The following SORCS1 variants were observed in gnomAD, a reference collection of about 807,000 sequenced individuals.
SORCS1 encodes VPS10 domain-containing receptor SorCS1.
In SORCS1, 60 loss-of-function variants were observed where a neutral mutation model predicts 146.1. The ratio of observed to expected loss-of-function variants is 0.41; its 90% CI spans 0.33 to 0.51. The LOEUF (loss-of-function observed/expected upper bound fraction) is 0.51, where lower values mean the gene tolerates loss of function less well. Ranked by LOEUF, SORCS1 falls within the 20% of genes least tolerant of loss-of-function variation. The probability of loss-of-function intolerance (pLI) is 0.21; values close to 1 mark genes in which losing one functional copy is unlikely to be tolerated. For missense variants in SORCS1, 1,352 were observed against 1,487.6 expected, an observed-to-expected ratio of 0.91 and a Z score of 1.50; for synonymous variants, 637 against 584.0, an observed-to-expected ratio of 1.09 and a Z score of -1.31.
chr10:106,843,875 G>C (rs1949181347), intron 2 of SORCS1, among the ~76,000 whole-genome samples: 1 of 152,196 alleles, frequency 6.6e-6, no homozygotes, highest in Non-Finnish European at 1.5e-5. Flanking sequence ...AGAAGCACCA[G>C]CTATCTCAAG....
chr10:106,710,939 A>G (rs1854936226), intron 6 of SORCS1, among the ~76,000 whole-genome samples: 1 of 152,218 alleles, frequency 6.6e-6, no homozygotes, highest in Non-Finnish European at 1.5e-5. Context: ...CAGCTAGCTC[A>G]CTGTTACATC....
intron 1 of SORCS1, among the ~76,000 whole-genome samples, chr10:107,059,890 A>C (rs78618858): frequency 2.7e-5 from 4 of 147,770 alleles, no homozygotes; most frequent in African/African-American, 9.8e-5. Flanking sequence ...AAAAAAAAAA[A>C]CCCTCAGTAA....
intron 1 of SORCS1, among the ~76,000 whole-genome samples, chr10:107,058,555 T>C (rs1451555801): frequency 1.3e-5 from 2 of 152,174 alleles, no homozygotes; most frequent in East Asian, 3.8e-4. Context: ...TCTCAGGAAG[T>C]AGGAATTCCC....
At chr10:106,790,124 A>G (rs1390005563) in intron 3 of SORCS1, among the ~76,000 whole-genome samples, 1 of 152,120 alleles carries the variant, frequency 6.6e-6, no homozygotes, top group African/African-American at 2.4e-5. Flanking sequence ...ACAAAGCCTA[A>G]CCACATCATG....
At chr10:106,949,822 T>C (rs77284784) in intron 2 of SORCS1, among the ~76,000 whole-genome samples, 14 of 152,320 alleles carry the variant, frequency 9.2e-5, no homozygotes, top group African/African-American at 3.1e-4. Flanking sequence ...ACCTCTAAGA[T>C]AGACAGACAC....
intron 1 of SORCS1, among the ~76,000 whole-genome samples, chr10:107,065,866 C>T (rs770458205): frequency 6.6e-5 from 10 of 152,066 alleles, no homozygotes; most frequent in Non-Finnish European, 2.9e-5. Context: ...GCCAGAAATG[C>T]TAAGGATGAG....
rs765658985 is a variant in SORCS1 at position 106,788,483 on chromosome 10, G to A, written c.727-11791C>T. On this transcript the variant is annotated intron_variant, in intron 3 of 25. Coordinates refer to ENST00000263054, the MANE Select transcript of SORCS1 (RefSeq NM_052918.5). ...AGTTAGTTACTTCCAAAATACAATGGAGGTACAGGTATTGGGTAAATGCTC... is the reference window on the plus strand; with the variant it reads ...AGTTAGTTACTTCCAAAATACAATGAAGGTACAGGTATTGGGTAAATGCTC... Among the ~76,000 whole-genome samples, 6 of 152,276 alleles carry A rather than the reference G, an allele frequency of 3.9e-5. No homozygotes were observed. The South Asian group carries it at 1.2e-3, about 32-fold the overall frequency.
At chr10:106,964,989 T>C (rs1330738446) in intron 1 of SORCS1, among the ~76,000 whole-genome samples, 1 of 150,720 alleles carries the variant, frequency 6.6e-6, no homozygotes, top group Non-Finnish European at 1.5e-5. Flanking sequence ...AGAATGCTAA[T>C]AGTGACTCAA....
chr10:106,975,939 G>C (rs1955976193), intron 1 of SORCS1, among the ~76,000 whole-genome samples: 1 of 152,090 alleles, frequency 6.6e-6, no homozygotes. Context: ...CCTGAGGTCA[G>C]GAGTTCAAGA....
rs1849933617 is a variant in SORCS1 at position 106,652,398 on chromosome 10, A to G, written c.2459T>C (p.Met820Thr). Residue 820 changes from methionine (M) to threonine (T), a missense_variant, in exon 18 of 26, where the codon ATG (methionine) becomes ACG (threonine). Around this residue, in one of 3 missense-constraint regions of SORCS1, gnomAD observed 648 missense variants for 793.8 expected, o/e 0.82. Transcript: ENST00000263054. ...CAGTCCTACCTCTTCTAATTGCACC[A>G]TGAGAGTGACGTTGTGTCCTTGTTC... ...TAEQGHNVTL[M>T]VQLEEGDVQR... 1.9e-6 allele frequency: 3 copies of G among 1,614,112 alleles called. No individual in the cohort carries two copies. Among genetic ancestry groups the G allele is most frequent in the East Asian group, 2.2e-5 (1 of 44,876 alleles).
intron 1 of SORCS1, among the ~76,000 whole-genome samples, chr10:107,130,536 T>A (rs1013937607): frequency 3.9e-5 from 6 of 152,152 alleles, no homozygotes; most frequent in Non-Finnish European, 5.9e-5. Context: ...TAAAAGGAGT[T>A]CAACATCGTA....
chr10:106,942,063 C>T (rs1399572463), intron 2 of SORCS1, among the ~76,000 whole-genome samples: 2 of 152,152 alleles, frequency 1.3e-5, no homozygotes, highest in South Asian at 2.1e-4. Flanking sequence ...AGTGCCTTCT[C>T]CTAGAGAGCT....
intron 6 of SORCS1, among the ~76,000 whole-genome samples, chr10:106,722,134 C>CACACACAG (rs1554909650): frequency 6.6e-6 from 1 of 151,406 alleles, no homozygotes; most frequent in Non-Finnish European, 1.5e-5. Context: ...CACACACACA[C>CACACACAG]ACACACACAC....
rs563575723 is a variant in SORCS1, at chr10:106,824,475, A to G, written c.726+5099T>C. On this transcript the variant is annotated intron_variant, in intron 3 of 25. Coordinates refer to ENST00000263054, the MANE Select transcript of SORCS1 (RefSeq NM_052918.5). Reference sequence around the variant, plus strand: ...TGTGGTAGTAGACGCCTGTAATCCCAGCTGCTCGGGAGGCTGAGGCAGAGA... The same window carrying G: ...TGTGGTAGTAGACGCCTGTAATCCCGGCTGCTCGGGAGGCTGAGGCAGAGA... Among the ~76,000 whole-genome samples, 48 of 151,782 alleles carry G rather than the reference A, an allele frequency of 3.2e-4. 1 individual carries two copies. In the South Asian group the frequency reaches 9.8e-3, roughly 31 times the overall value.
intron 4 of SORCS1, among the ~76,000 whole-genome samples, chr10:106,774,567 A>T (rs1400905233): frequency 6.6e-6 from 1 of 152,096 alleles, no homozygotes; most frequent in African/African-American, 2.4e-5. Context: ...TGTTGTAAAA[A>T]ATTGGCCTCC....
At chr10:107,154,347 T>G (rs569808219) in intron 1 of SORCS1, among the ~76,000 whole-genome samples, 1 of 152,192 alleles carries the variant, frequency 6.6e-6, no homozygotes, top group African/African-American at 2.4e-5. Flanking sequence ...GAGAACAACA[T>G]AGACAAAAAC....
At chr10:107,141,611 C>T (rs1323043493) in intron 1 of SORCS1, among the ~76,000 whole-genome samples, 1 of 152,142 alleles carries the variant, frequency 6.6e-6, no homozygotes, top group Non-Finnish European at 1.5e-5. Flanking sequence ...AGAAGTCCCA[C>T]GCAGAGTGCA....
intron 2 of SORCS1, among the ~76,000 whole-genome samples, chr10:106,926,916 T>C (rs1953071815): frequency 6.6e-6 from 1 of 151,370 alleles, no homozygotes; most frequent in Admixed American, 6.6e-5. Flanking sequence ...AATGTCTATG[T>C]TGGTTGTAGT....
At chr10:106,759,182 C>T (rs1858888495) in intron 5 of SORCS1, among the ~76,000 whole-genome samples, 1 of 152,114 alleles carries the variant, frequency 6.6e-6, no homozygotes, top group Non-Finnish European at 1.5e-5. Flanking sequence ...AGGTGGGAAG[C>T]TATTATGTAC....
Sources: gnomAD v4.1 joint callset for allele counts (sites outside exome capture counted in the v4.1 genomes callset) on GRCh38, gnomAD v4.1.1 for gene constraint, gnomAD v4.1.1 regional missense constraint, MANE v1.5 for transcripts, NCBI Gene and HGNC (gene_info 2026-07-23, HGNC 2026-07-21) for gene names.